Variants in APBB2 observed in about 807,000 individuals in gnomAD.
APBB2 encodes the protein Fe65-like 1.
A neutral mutation model predicts 82.5 loss-of-function variants in APBB2; 38 were observed. The observed-to-expected ratio is 0.46, with a 90% confidence interval of 0.36 to 0.60. APBB2 has a LOEUF of 0.60. APBB2 is among the 20% of genes least tolerant of loss of function. APBB2 has a pLI of 0.00. For missense variants in APBB2, 772 were observed against 972.3 expected, an observed-to-expected ratio of 0.79 and a Z score of 2.74; for synonymous variants, 341 against 368.2, an observed-to-expected ratio of 0.93 and a Z score of 0.85.
intron 10 of APBB2, among the ~76,000 whole-genome samples, chr4:40,910,539 C>A (rs956963699): frequency 6.6e-6 from 1 of 152,010 alleles, no homozygotes; most frequent in Non-Finnish European, 1.5e-5. Context: ...GGGCCCAGCT[C>A]CCAGCCCTAG....
intron 6 of APBB2, among the ~76,000 whole-genome samples, chr4:40,978,426 T>C (rs1423296906): frequency 6.6e-6 from 1 of 152,204 alleles, no homozygotes; most frequent in South Asian, 2.1e-4. Context: ...TTAGTGAGAC[T>C]GAAGAGGAAG....
chr4:40,910,429 G>A (rs1383294390), intron 10 of APBB2, among the ~76,000 whole-genome samples: 1 of 151,980 alleles, frequency 6.6e-6, no homozygotes, highest in African/African-American at 2.4e-5. Flanking sequence ...TGTAGAGACG[G>A]GGTCTCACTG....
intron 3 of APBB2, among the ~76,000 whole-genome samples, chr4:41,077,171 A>ATTTTT (rs368187037): frequency 1.5e-5 from 2 of 129,966 alleles, no homozygotes; most frequent in African/African-American, 2.9e-5. Context: ...CACCCAGCTA[A>ATTTTT]TTTTTTTTTT....
At chr4:41,158,072 G>T (rs376661039) in intron 1 of APBB2, among the ~76,000 whole-genome samples, 23 of 152,242 alleles carry the variant, frequency 1.5e-4, no homozygotes, top group African/African-American at 5.1e-4. Flanking sequence ...GTAATTAAGA[G>T]AAGTGGGATA....
At chr4:40,856,904 T>G (rs1042374921) in intron 12 of APBB2, 1 of 971,090 alleles carries the variant, frequency 1.0e-6, no homozygotes, top group Admixed American at 6.1e-5. Context: ...GGGCGCAGCC[T>G]TTGTCCCGCA....
chr4:40,880,324 A>G, intron 12 of APBB2: 1 of 985,452 alleles, frequency 1.0e-6, no homozygotes, highest in South Asian at 4.7e-5. Flanking sequence ...GTGCTGCACT[A>G]AATTCATAGT....
At chr4:41,149,431 T>C (rs1377333011) in intron 1 of APBB2, among the ~76,000 whole-genome samples, 2 of 151,966 alleles carry the variant, frequency 1.3e-5, no homozygotes, top group Non-Finnish European at 2.9e-5. Flanking sequence ...TCAGCCCTGC[T>C]GTACAAAAAA....
intron 1 of APBB2, among the ~76,000 whole-genome samples, chr4:41,199,762 T>C (rs970075917): frequency 1.3e-5 from 2 of 152,188 alleles, no homozygotes; most frequent in African/African-American, 4.8e-5. Flanking sequence ...TAAAAGGGTA[T>C]GTTTTGAATT....
At chr4:40,848,911 C>G in intron 12 of APBB2, 7 of 985,418 alleles carry the variant, frequency 7.1e-6, no homozygotes, top group Non-Finnish European at 8.4e-6. Context: ...TCACAGCCAT[C>G]TGAAGCTACC....
intron 10 of APBB2, among the ~76,000 whole-genome samples, chr4:40,904,797 T>G (rs1438801925): frequency 6.6e-6 from 1 of 151,088 alleles, no homozygotes; most frequent in Non-Finnish European, 1.5e-5. Flanking sequence ...CAGTTCTCCA[T>G]CCGGCTGAAG....
intron 12 of APBB2, 142 bp from the exon 13 acceptor site, chr4:40,830,719 A>T: frequency 3.3e-6 from 2 of 604,626 alleles, no homozygotes; most frequent in Non-Finnish European, 5.9e-6. Flanking sequence ...ATTAAATTAC[A>T]ATAGCTTCCT....
chr4:41,057,511 T>A (rs1255253450), intron 4 of APBB2, among the ~76,000 whole-genome samples: 63 of 152,342 alleles, frequency 4.1e-4, no homozygotes, highest in South Asian at 2.1e-3. Flanking sequence ...TTTCTTAGTA[T>A]ATATTCATAA....
Position 41,027,364 on chromosome 4 carries a change from C to CACACATAT in APBB2, c.19+5871_19+5872insATATGTGT, listed in dbSNP as rs1231769191. Among the ~76,000 whole-genome samples the CACACATAT allele has an allele frequency of 3.6e-4, 46 of 127,440 alleles. 1 individual carries two copies. The highest frequency in any genetic ancestry group is 1.3e-3 in the African/African-American group (45 of 34,048). 83.6% of individuals were successfully genotyped at this position (127,440 alleles called of 152,430 possible). On this transcript the variant is annotated intron_variant, in intron 5 of 17. Transcript: ENST00000508593. ...TTATATTTTTATAAACATATTGTTA[C>CACACATAT]ATATATATATATATATATATATATA...
At chr4:40,938,519 C>T (rs988830008) in intron 7 of APBB2, among the ~76,000 whole-genome samples, 1 of 152,144 alleles carries the variant, frequency 6.6e-6, no homozygotes, top group Admixed American at 6.5e-5. Flanking sequence ...ACAAAAATGA[C>T]GCATTATCTT....
At chr4:40,841,416 G>T (rs1755761127) in intron 12 of APBB2, among the ~76,000 whole-genome samples, 1 of 152,154 alleles carries the variant, frequency 6.6e-6, no homozygotes, top group African/African-American at 2.4e-5. Context: ...GAATCATGGA[G>T]CTTAAAGTCC....
intron 6 of APBB2, among the ~76,000 whole-genome samples, chr4:40,970,892 T>C (rs1013481790): frequency 2.6e-5 from 4 of 152,296 alleles, no homozygotes; most frequent in Admixed American, 2.6e-4. Flanking sequence ...TTCCCAAACA[T>C]TGGAGGGCTT....
In APBB2 at chr4:41,146,150, AC is replaced by A. The variant is rs1336378035; in HGVS notation, c.-416-3009del. On this transcript the variant is annotated intron_variant, in intron 1 of 17. Transcript: ENST00000508593. ...AGACCAGCCTGGCCAACATGCCAAA[AC>A]CCTTTCACTTCTAAAAATACATAAA... 1.1e-4 allele frequency among the ~76,000 whole-genome samples: 17 copies of A among 152,070 alleles called. 1 individual carries two copies. The highest frequency in any genetic ancestry group is 9.8e-4 in the Admixed American group (15 of 15,268).
At chr4:40,979,150 T>C (rs543699257) in intron 6 of APBB2, among the ~76,000 whole-genome samples, 184 of 152,338 alleles carry the variant, frequency 1.2e-3, no homozygotes, top group Non-Finnish European at 1.9e-3. Context: ...GGCTATATAC[T>C]TTTTTCTGCT....
At chr4:40,938,078 A>C (rs1785837315) in intron 7 of APBB2, among the ~76,000 whole-genome samples, 1 of 152,242 alleles carries the variant, frequency 6.6e-6, no homozygotes, top group Non-Finnish European at 1.5e-5. Flanking sequence ...AAGATGGGGA[A>C]AGAGGTGGTA....
Sources: allele counts gnomAD v4.1 joint callset (sites outside exome capture counted in the v4.1 genomes callset), GRCh38; gene constraint gnomAD v4.1.1; transcripts MANE v1.5; gene names NCBI Gene and HGNC (gene_info 2026-07-23, HGNC 2026-07-21).